Variants in OR4N5 observed in about 807,000 individuals in gnomAD.
The protein encoded by OR4N5 is olfactory receptor family 4 subfamily N member 5.
For synonymous variants in OR4N5, 155 were observed against 140.6 expected (o/e 1.10, Z -0.72); for missense variants, 428 against 370.0 (o/e 1.16, Z -1.29).
At chr14:20,142,093 T>A (rs1233190724) in intron 2 of OR4N5, among the ~76,000 whole-genome samples, 4 of 152,066 alleles carry the variant, frequency 2.6e-5, no homozygotes, top group Non-Finnish European at 5.9e-5. Context: ...TATAATAATC[T>A]CAACACGATC....
chr14:20,144,603 C>T lies in OR4N5; in HGVS notation c.868C>T (p.Arg290Cys), dbSNP rs199690567. The change falls in exon 3 of 3, where the codon CGC (arginine) becomes TGC (cysteine). Residue 290 changes from arginine (R) to cysteine (C), a missense_variant. Physicochemically the swap from Arg to Cys is radical, Grantham distance 180. Coordinates refer to ENST00000641086, the MANE Select transcript of OR4N5 (RefSeq NM_001004724.2). ...PLMNPVIYTL[R>C]NQEVKASMRK... ...GATGAACCCTGTTATTTATACGCTT[C>T]GCAACCAGGAGGTGAAAGCTTCCAT... 10 of 1,613,468 alleles carry T rather than the reference C, an allele frequency of 6.2e-6. No homozygotes were observed. The highest frequency in any genetic ancestry group is 5.0e-5 in the Admixed American group (3 of 59,922).
At chr14:20,142,102 T>C (rs1457838761) in intron 2 of OR4N5, among the ~76,000 whole-genome samples, 1 of 152,096 alleles carries the variant, frequency 6.6e-6, no homozygotes, top group Non-Finnish European at 1.5e-5. Context: ...CTCAACACGA[T>C]CATTAAAATA....
Position 20,141,112 on chromosome 14 carries a change from G to A in OR4N5, c.-111G>A, listed in dbSNP as rs540618972. 2 of 152,272 alleles carry A rather than the reference G, an allele frequency of 1.3e-5. No homozygotes were observed. The highest frequency in any genetic ancestry group is 1.9e-4 in the East Asian group (1 of 5,186). The allele number at this position is 152,272 out of a possible 1,614,324, so 9.4% of individuals were successfully genotyped here. A position where few individuals can be genotyped will look rare whatever the true frequency, so the allele number is the denominator to read the frequency against. On this transcript the variant is annotated 5_prime_UTR_variant, in exon 2 of 3. Coordinates refer to ENST00000641086, the MANE Select transcript of OR4N5 (RefSeq NM_001004724.2). ...GAAAATAAAAGCAAAGGAAGAGTGA[G>A]AGAGGCTGAAACTCTCAGGTGCTCC... is the stretch of plus-strand genomic sequence containing the variant.
chr14:20,143,878 C>T lies in OR4N5; in HGVS notation c.143C>T (p.Thr48Ile). ...ILPGNFLIIF[T>I]IKSDPGLTAP... ...CCTGGAAATTTCCTCATCATTTTCA[C>T]CATAAAGTCAGACCCTGGGCTCACA... Residue 48 changes from threonine (T) to isoleucine (I), a missense_variant, in exon 3 of 3, where the codon ACC becomes ATC. Transcript: ENST00000641086. 1.2e-6 allele frequency: 2 copies of T among 1,614,012 alleles called. No homozygotes were observed. The highest frequency in any genetic ancestry group is 1.1e-5 in the South Asian group (1 of 91,084).
Position 20,143,922 on chromosome 14 carries a change from C to G in OR4N5, c.187C>G (p.Leu63Val). The G allele has an allele frequency of 6.2e-7, 1 of 1,614,026 alleles. No homozygotes were observed. Among genetic ancestry groups the G allele is most frequent in the Non-Finnish European group, 8.5e-7 (1 of 1,179,940 alleles). ...GCTCACAGCCCCCCTCTATTTCTTTCTGGGCAACTTGGCCTTACTGGATGC... is the reference window on the plus strand; with the variant it reads ...GCTCACAGCCCCCCTCTATTTCTTTGTGGGCAACTTGGCCTTACTGGATGC... ...PGLTAPLYFF[L>V]GNLALLDASY... Residue 63 changes from leucine to valine, a missense_variant, in exon 3 of 3, where the codon CTG (leucine) becomes GTG (valine). By Grantham distance (32) the Leu-to-Val change is conservative. Transcript: ENST00000641086.
At position 20,143,711 on chromosome 14, in the gene OR4N5, A is replaced by G; in HGVS notation, c.-11-14A>G. Reference sequence around the variant, plus strand: ...GTTATAACAGATAACAATTTGCCCTATTTTATTCTGCAGAGTGAGAAATTA... The same window carrying G: ...GTTATAACAGATAACAATTTGCCCTGTTTTATTCTGCAGAGTGAGAAATTA... On this transcript the variant is annotated splice_polypyrimidine_tract_variant and intron_variant, in intron 2 of 2. Transcript: ENST00000641086. 2 of 1,540,696 alleles carry G rather than the reference A, an allele frequency of 1.3e-6. No individual in the cohort carries two copies. Among genetic ancestry groups the G allele is most frequent in the South Asian group, 1.2e-5 (1 of 82,058 alleles).
In OR4N5 at chr14:20,141,158, C is replaced by T. The variant is rs577032138; in HGVS notation, c.-65C>T. The T allele has an allele frequency of 2.6e-5, 4 of 152,160 alleles. No individual in the cohort carries two copies. Among genetic ancestry groups the T allele is most frequent in the African/African-American group, 9.6e-5 (4 of 41,520 alleles). 9.4% of individuals were successfully genotyped at this position (152,160 alleles called of 1,614,324 possible). ...GCTCCCTGTGTCTTGGAATCCTCAA[C>T]CTGGAGAAGCATGAGATAACTAACT... On this transcript the variant is annotated 5_prime_UTR_variant, in exon 2 of 3. Coordinates refer to ENST00000641086, the MANE Select transcript of OR4N5 (RefSeq NM_001004724.2).
At position 20,145,239 on chromosome 14, in the gene OR4N5, G is replaced by T. The variant is rs1365141984; in HGVS notation, c.*577G>T. The T allele has an allele frequency of 6.6e-6, 1 of 152,180 alleles. No individual in the cohort carries two copies. Among genetic ancestry groups the T allele is most frequent in the East Asian group, 1.9e-4 (1 of 5,188 alleles). 9.4% of individuals were successfully genotyped at this position (152,180 alleles called of 1,614,324 possible). On this transcript the variant is annotated 3_prime_UTR_variant, in exon 3 of 3. Transcript: ENST00000641086. The stretch of plus-strand genomic sequence containing the variant: ...GCAAAAATTGAAGTCAAAGAATTTG[G>T]TAGGGGCAAAATTATGTAGAGCATT...
Position 20,138,823 on chromosome 14 carries a change from T to C in OR4N5, c.-448T>C, listed in dbSNP as rs185321078. 6.6e-6 allele frequency: 1 copy of C among 152,172 alleles called. No homozygotes were observed. The highest frequency in any genetic ancestry group is 2.4e-5 in the African/African-American group (1 of 41,534). 9.4% of individuals were successfully genotyped at this position (152,172 alleles called of 1,614,324 possible). On this transcript the variant is annotated 5_prime_UTR_variant, in exon 1 of 3. Coordinates refer to ENST00000641086, the MANE Select transcript of OR4N5 (RefSeq NM_001004724.2). ...AAGCACAAATTCTGAAATAATTAGC[T>C]AATCTCCCTTTTATCAGACAGAAAA...
In OR4N5 at chr14:20,145,212, T is replaced by G. The variant is rs1878714435; in HGVS notation, c.*550T>G. On this transcript the variant is annotated 3_prime_UTR_variant, in exon 3 of 3. Transcript: ENST00000641086. Reference sequence around the variant, plus strand: ...GTACTATATTTAGTGAATGTGAAAATGGCAAAAATTGAAGTCAAAGAATTT... The same window carrying G: ...GTACTATATTTAGTGAATGTGAAAAGGGCAAAAATTGAAGTCAAAGAATTT... 6.6e-6 allele frequency: 1 copy of G among 152,134 alleles called. No homozygotes were observed. Among genetic ancestry groups the G allele is most frequent in the Non-Finnish European group, 1.5e-5 (1 of 68,060 alleles). The allele number at this position is 152,134 out of a possible 1,614,324, so 9.4% of individuals were successfully genotyped here. A position where few individuals can be genotyped will look rare whatever the true frequency, so the allele number is the denominator to read the frequency against.
chr14:20,139,782 G>T (rs1192901694), intron 1 of OR4N5, among the ~76,000 whole-genome samples: 1 of 152,070 alleles, frequency 6.6e-6, no homozygotes, highest in Non-Finnish European at 1.5e-5. Flanking sequence ...AAAATTAAAT[G>T]ACTTGCCTAA....
intron 1 of OR4N5, among the ~76,000 whole-genome samples, chr14:20,139,385 A>G (rs1878571644): frequency 1.3e-5 from 2 of 152,158 alleles, no homozygotes; most frequent in South Asian, 4.1e-4. Context: ...CCATCTGCAC[A>G]TGGTCCTTAC....
rs1224596754 is a variant in OR4N5, at chr14:20,143,943, G to A, written c.208G>A (p.Asp70Asn). 35 of 1,614,018 alleles carry A rather than the reference G, an allele frequency of 2.2e-5. No homozygotes were observed. Among genetic ancestry groups the A allele is most frequent in the Non-Finnish European group, 3.0e-5 (35 of 1,179,934 alleles). ...YFFLGNLALL[D>N]ASYSFIVVPR... ...CTTTCTGGGCAACTTGGCCTTACTG[G>A]ATGCATCCTACTCCTTCATTGTGGT... Residue 70 changes from aspartate to asparagine, a missense_variant, in exon 3 of 3, where the codon GAT (aspartate) becomes AAT (asparagine). Coordinates refer to ENST00000641086, the MANE Select transcript of OR4N5 (RefSeq NM_001004724.2).
At position 20,144,121 on chromosome 14, in the gene OR4N5, C is replaced by G. The variant is rs1186433984; in HGVS notation, c.386C>G (p.Pro129Arg). The G allele has an allele frequency of 3.7e-6, 6 of 1,614,026 alleles. No individual in the cohort carries two copies. The highest frequency in any genetic ancestry group is 5.1e-6 in the Non-Finnish European group (6 of 1,180,016). The change falls in exon 3 of 3, where the codon CCT (proline) becomes CGT (arginine). Residue 129 changes from proline (P) to arginine (R), a missense_variant. Physicochemically the swap from Pro to Arg is moderately radical, Grantham distance 103. Transcript: ENST00000641086. ...AFDRYIAICRPLHYSTIMNPR... is the reference protein window; with the variant it reads ...AFDRYIAICRRLHYSTIMNPR... ...GACCGCTACATCGCCATCTGCCGGCCTTTACACTATTCAACCATCATGAAC... is the reference window on the plus strand; with the variant it reads ...GACCGCTACATCGCCATCTGCCGGCGTTTACACTATTCAACCATCATGAAC...
At chr14:20,142,155 T>G (rs1171153197) in intron 2 of OR4N5, among the ~76,000 whole-genome samples, 4 of 152,002 alleles carry the variant, frequency 2.6e-5, no homozygotes, top group Non-Finnish European at 5.9e-5. Flanking sequence ...AGATGGAGTC[T>G]CGCTCTGTTG....
intron 2 of OR4N5, among the ~76,000 whole-genome samples, chr14:20,142,694 C>T (rs1878641567): frequency 1.3e-5 from 2 of 151,976 alleles, no homozygotes; most frequent in African/African-American, 4.8e-5. Context: ...TAAATAATTC[C>T]CTAAAAAGTG....
At chr14:20,138,970 G>C (rs1364263106) in intron 1 of OR4N5, 80 bp downstream of exon 1, 1 of 151,782 alleles carries the variant, frequency 6.6e-6, no homozygotes, top group East Asian at 1.9e-4. Context: ...ATTTGTCTTG[G>C]TTATCTGCTG....
In OR4N5 at chr14:20,143,706, G is replaced by T; in HGVS notation, c.-11-19G>T. On this transcript the variant is annotated intron_variant, in intron 2 of 2. Transcript: ENST00000641086. ...AGGTGGTTATAACAGATAACAATTT[G>T]CCCTATTTTATTCTGCAGAGTGAGA... 4 of 1,472,158 alleles carry T rather than the reference G, an allele frequency of 2.7e-6. No individual in the cohort carries two copies. Among genetic ancestry groups the T allele is most frequent in the Non-Finnish European group, 3.7e-6 (4 of 1,074,966 alleles). The allele number at this position is 1,472,158 out of a possible 1,614,324, so 91.2% of individuals were successfully genotyped here.
intron 1 of OR4N5, among the ~76,000 whole-genome samples, chr14:20,139,470 A>G (rs936598679): frequency 1.3e-5 from 2 of 152,124 alleles, no homozygotes; most frequent in African/African-American, 4.8e-5. Flanking sequence ...TCTGAATTAG[A>G]TAAGAAAACC....
Sources: allele counts gnomAD v4.1 joint callset (sites outside exome capture counted in the v4.1 genomes callset), GRCh38; gene constraint gnomAD v4.1.1; transcripts MANE v1.5; gene names NCBI Gene and HGNC (gene_info 2026-07-23, HGNC 2026-07-21).